RPS6KA2: variants seen among roughly 807,000 people sequenced by gnomAD.
RPS6KA2 encodes the protein ribosomal protein S6 kinase alpha-2.
In RPS6KA2, 42 loss-of-function variants were observed where a neutral mutation model predicts 91.8. The ratio of observed to expected loss-of-function variants is 0.46; its 90% CI spans 0.36 to 0.59. The LOEUF is 0.59. Among genes scored for constraint, RPS6KA2 ranks in the 20% least tolerant of loss-of-function variants. RPS6KA2 has a pLI of 0.00. For synonymous variants in RPS6KA2, 414 were observed against 393.6 expected (o/e 1.05, Z -0.61); for missense variants, 798 against 978.5 (o/e 0.82, Z 2.46).
At chr6:166,489,375 C>T (rs1230242054) in intron 9 of RPS6KA2, among the ~76,000 whole-genome samples, 1 of 152,202 alleles carries the variant, frequency 6.6e-6, no homozygotes, top group Non-Finnish European at 1.5e-5. Context: ...GACAGCTGGA[C>T]CCTGTGCTCG....
chr6:166,462,307 A>C (rs3817797), intron 11 of RPS6KA2, among the ~76,000 whole-genome samples: 32,198 of 152,140 alleles, frequency 0.21, 3,630 homozygotes, highest in African/African-American at 0.28. Flanking sequence ...CCTACAGGCC[A>C]CATCCTTCTC....
chr6:166,483,585 G>A (rs901450534), intron 10 of RPS6KA2, among the ~76,000 whole-genome samples: 12 of 152,244 alleles, frequency 7.9e-5, no homozygotes, highest in African/African-American at 2.9e-4. Context: ...GAAGAGCAGG[G>A]CCTTTTTTTC....
At chr6:166,577,678 G>C (rs1784878337) in intron 1 of RPS6KA2, among the ~76,000 whole-genome samples, 1 of 152,214 alleles carries the variant, frequency 6.6e-6, no homozygotes, top group African/African-American at 2.4e-5. Context: ...AGATGGAAGG[G>C]ACTTGCCTTG....
At chr6:166,479,002 T>C (rs2128468887) in intron 10 of RPS6KA2, among the ~76,000 whole-genome samples, 1 of 152,314 alleles carries the variant, frequency 6.6e-6, no homozygotes, top group East Asian at 1.9e-4. Context: ...CTCGCTTCAC[T>C]TTGCTTCTGT....
At chr6:166,670,460 T>C (rs754135938) in intron 2 of RPS6KA2, among the ~76,000 whole-genome samples, 61 of 152,152 alleles carry the variant, frequency 4.0e-4, no homozygotes, top group Admixed American at 7.9e-4. Context: ...TTAATGCCAG[T>C]AAGTTTGGGG....
At chr6:166,462,236 G>A (rs1182627414) in intron 11 of RPS6KA2, among the ~76,000 whole-genome samples, 1 of 152,190 alleles carries the variant, frequency 6.6e-6, no homozygotes, top group South Asian at 2.1e-4. Flanking sequence ...ACTGTCCTTG[G>A]AACCCCTTCC....
At chr6:166,439,318 G>C (rs981168663) in intron 14 of RPS6KA2, among the ~76,000 whole-genome samples, 8 of 152,330 alleles carry the variant, frequency 5.3e-5, no homozygotes, top group Admixed American at 1.3e-4. Context: ...ATGTTGGCCA[G>C]GCTGGTCTCG....
chr6:166,462,422 A>T (rs1037110689), intron 11 of RPS6KA2, among the ~76,000 whole-genome samples: 9 of 152,316 alleles, frequency 5.9e-5, no homozygotes, highest in African/African-American at 2.2e-4. Flanking sequence ...GCTCACATCC[A>T]GAGGCTGTCA....
At chr6:166,451,730 C>T (rs1295826573) in intron 12 of RPS6KA2, among the ~76,000 whole-genome samples, 1 of 152,236 alleles carries the variant, frequency 6.6e-6, no homozygotes. Context: ...TGCACGTGCT[C>T]TGCTCTCCAA....
chr6:166,722,021 G>A (rs1268064530), intron 2 of RPS6KA2, among the ~76,000 whole-genome samples: 1 of 152,194 alleles, frequency 6.6e-6, no homozygotes, highest in Non-Finnish European at 1.5e-5. Flanking sequence ...GAATGTCATA[G>A]TGGAGTAAAT....
intron 2 of RPS6KA2, among the ~76,000 whole-genome samples, chr6:166,661,372 T>C (rs549769959): frequency 3.7e-4 from 56 of 152,328 alleles, no homozygotes; most frequent in African/African-American, 1.3e-3. Context: ...AGTTCTAGGA[T>C]TATAGGCATG....
chr6:166,537,504 G>A (rs1433152539), intron 2 of RPS6KA2, among the ~76,000 whole-genome samples: 1 of 152,170 alleles, frequency 6.6e-6, no homozygotes, highest in African/African-American at 2.4e-5. Flanking sequence ...AAATATTGCT[G>A]GTAATTTCCT....
At chr6:166,507,407 T>C (rs1225712954) in intron 5 of RPS6KA2, among the ~76,000 whole-genome samples, 9 of 136,154 alleles carry the variant, frequency 6.6e-5, no homozygotes, top group African/African-American at 2.3e-4. Context: ...ACATCACACA[T>C]AGCACACACC....
At chr6:166,746,144 C>T (rs1313572217) in intron 2 of RPS6KA2, among the ~76,000 whole-genome samples, 1 of 152,166 alleles carries the variant, frequency 6.6e-6, no homozygotes, top group Non-Finnish European at 1.5e-5. Context: ...GCTGAGTGGC[C>T]AGTGCCTTGG....
intron 1 of RPS6KA2, among the ~76,000 whole-genome samples, chr6:166,580,989 C>T (rs779835268): frequency 2.1e-4 from 32 of 152,266 alleles, no homozygotes; most frequent in Non-Finnish European, 4.3e-4. Flanking sequence ...GCAACCTCTG[C>T]CTCCCAGGTT....
chr6:166,515,242 T>G (rs1782608181), intron 3 of RPS6KA2, among the ~76,000 whole-genome samples: 1 of 152,024 alleles, frequency 6.6e-6, no homozygotes, highest in Admixed American at 6.5e-5. Context: ...GTCCACCAGG[T>G]GGGGACTGCA....
chr6:166,609,128 T>C (rs538356247), intron 1 of RPS6KA2, among the ~76,000 whole-genome samples: 3 of 152,304 alleles, frequency 2.0e-5, no homozygotes, highest in African/African-American at 4.8e-5. Flanking sequence ...TGTGACTCAG[T>C]TCCTCCCCCT....
chr6:166,565,271 T>C (rs989592133), intron 1 of RPS6KA2, among the ~76,000 whole-genome samples: 1 of 152,238 alleles, frequency 6.6e-6, no homozygotes, highest in African/African-American at 2.4e-5. Flanking sequence ...GCCCGTTGTT[T>C]AAGCTGAGAT....
chr6:166,555,919 A>G (rs1784164769), intron 1 of RPS6KA2, among the ~76,000 whole-genome samples: 1 of 152,122 alleles, frequency 6.6e-6, no homozygotes, highest in African/African-American at 2.4e-5. Context: ...AGGATGGCCC[A>G]GGGTGGAGGT....
Sources: gnomAD v4.1 joint callset for allele counts (sites outside exome capture counted in the v4.1 genomes callset) on GRCh38, gnomAD v4.1.1 for gene constraint, MANE v1.5 for transcripts, NCBI Gene and HGNC (gene_info 2026-07-23, HGNC 2026-07-21) for gene names.